Variants in MED24 observed in about 807,000 individuals in gnomAD.
The protein encoded by MED24 is mediator complex subunit 24.
Under a neutral mutation model 118.8 loss-of-function variants are expected in MED24, and 74 were observed. The ratio of observed to expected loss-of-function variants is 0.62; its 90% CI spans 0.52 to 0.76. The LOEUF (loss-of-function observed/expected upper bound fraction) is 0.76. Ranked by LOEUF, MED24 falls within the 30% of genes least tolerant of loss-of-function variation. The probability of loss-of-function intolerance (pLI) is 0.00; values close to 1 mark genes in which losing one functional copy is unlikely to be tolerated. For synonymous variants in MED24, 521 were observed against 523.9 expected (o/e 0.99, Z 0.08); for missense variants, 1,041 against 1,278.9 (o/e 0.81, Z 2.84).
In MED24 at chr17:40,022,796, T is replaced by C. The variant is rs752742157; in HGVS notation, c.2281A>G (p.Thr761Ala). ...TAGAGCAGCTCCACTGCCCGCAGCG[T>C]GTGCTCCTTCCGCGTCTCCTTCAGC... ...ELLKETRKEHTLRAVELLYSI... is the reference protein window; with the variant it reads ...ELLKETRKEHALRAVELLYSI... Residue 761 changes from threonine to alanine, a missense_variant, in exon 21 of 26, where the codon ACG (threonine) becomes GCG (alanine). Around this residue, in one of 3 missense-constraint regions of MED24, gnomAD observed 587 missense variants for 694.4 expected, o/e 0.85. Coordinates refer to ENST00000394128, the MANE Select transcript of MED24 (RefSeq NM_014815.4). 2.5e-6 allele frequency: 4 copies of C among 1,613,592 alleles called. No homozygotes were observed. The South Asian group carries it at 3.3e-5, about 13-fold the overall frequency.
chr17:40,053,348 A>G lies in MED24; in HGVS notation c.163T>C (p.Ser55Pro). ...ALLEQAMIGP[S>P]PNPLILSYLK... ...TAGGACAAGATGAGAGGATTGGGGG[A>G]TGGTCCAATCATGGCCTGCTCTAGT... The change falls in exon 3 of 26, where the codon TCC becomes CCC. Residue 55 changes from serine (S) to proline (P), a missense_variant. Physicochemically the swap from Ser to Pro is moderately conservative, Grantham distance 74 (BLOSUM62 -1). Transcript: ENST00000394128. The G allele has an allele frequency of 1.2e-6, 2 of 1,612,908 alleles. No individual in the cohort carries two copies. The highest frequency in any genetic ancestry group is 1.7e-6 in the Non-Finnish European group (2 of 1,179,244).
At chr17:40,025,940 T>C (rs1982593451) in intron 19 of MED24, among the ~76,000 whole-genome samples, 1 of 152,130 alleles carries the variant, frequency 6.6e-6, no homozygotes, top group South Asian at 2.1e-4. Context: ...TCTGCATTTC[T>C]GACAACACAG....
chr17:40,031,605 C>T lies in MED24; in HGVS notation c.1000G>A (p.Val334Ile). 6.2e-7 allele frequency: 1 copy of T among 1,614,150 alleles called. No individual in the cohort carries two copies. The highest frequency in any genetic ancestry group is 1.3e-5 in the African/African-American group (1 of 75,052). Residue 334 changes from valine (V) to isoleucine (I), a missense_variant, in exon 11 of 26, where the codon GTC becomes ATC. Physicochemically the swap from Val to Ile is conservative, Grantham distance 29 (BLOSUM62 3). Around this residue, in one of 3 missense-constraint regions of MED24, gnomAD observed 434 missense variants for 514.9 expected, o/e 0.84. Transcript: ENST00000394128. Reference protein sequence around the residue: ...SHGDKDFTEDVNCAFEFLLKL... With the variant: ...SHGDKDFTEDINCAFEFLLKL... ...AGCAGGAACTCAAAAGCACAGTTGA[C>T]ATCCTCAGTGAAGTCCTAGAAAGAG... is the stretch of plus-strand genomic sequence containing the variant.
At position 40,021,949 on chromosome 17, in the gene MED24, A is replaced by T; in HGVS notation, c.2623+6T>A. 1 of 1,584,432 alleles carries T rather than the reference A, an allele frequency of 6.3e-7. No individual in the cohort carries two copies. On this transcript the variant is annotated splice_donor_region_variant and intron_variant, in intron 23 of 25. Transcript: ENST00000394128. The stretch of plus-strand genomic sequence containing the variant: ...GGAGCGGCGCGCGGCCAGCCCACAC[A>T]CTCACTGGGGCTCGAAAGGATGTTG...
intron 1 of MED24, chr17:40,053,938 C>T: frequency 1.9e-6 from 1 of 517,462 alleles, no homozygotes; most frequent in Non-Finnish European, 3.5e-6. Context: ...CGAGACTAGC[C>T]TGACCAACAT....
In MED24 at chr17:40,033,127, C is replaced by G. The variant is rs1192817286; in HGVS notation, c.751G>C (p.Glu251Gln). ...FPTVHAVILL[E>Q]GTMNLTGETQ... is the part of the protein sequence containing the mutation. ...TCGCCTGTCAGGTTCATGGTGCCCT[C>G]GAGCAGGATCACGGCGTGGACAGTG... is the stretch of plus-strand genomic sequence containing the variant. Residue 251 changes from glutamate (E) to glutamine (Q), a missense_variant, in exon 8 of 26, where the codon GAG becomes CAG. Physicochemically the swap from Glu to Gln is conservative, Grantham distance 29 (BLOSUM62 2). Around this residue, in one of 3 missense-constraint regions of MED24, gnomAD observed 434 missense variants for 514.9 expected, o/e 0.84. Coordinates refer to ENST00000394128, the MANE Select transcript of MED24 (RefSeq NM_014815.4). The surrounding 1 kb of genome is among the most constrained non-coding windows in gnomAD (Gnocchi z 5.2). 14 of 1,614,160 alleles carry G rather than the reference C, an allele frequency of 8.7e-6. No individual in the cohort carries two copies. Among genetic ancestry groups the G allele is most frequent in the Non-Finnish European group, 1.0e-5 (12 of 1,180,032 alleles).
intron 20 of MED24, 86 bp from the exon 21 acceptor site, chr17:40,022,912 A>G: frequency 1.3e-6 from 2 of 1,501,682 alleles, no homozygotes; most frequent in Non-Finnish European, 9.0e-7. Flanking sequence ...ATGGCTGTCC[A>G]GTAAGGCCCG....
At chr17:40,035,843 C>T (rs545775308) in intron 4 of MED24, 48 bp from the exon 5 acceptor site, 348 of 1,552,612 alleles carry the variant, frequency 2.2e-4, no homozygotes, top group Non-Finnish European at 2.9e-4. Flanking sequence ...CATCCACCCC[C>T]AGGTCTCACA....
chr17:40,042,679 A>G lies in MED24; in HGVS notation c.214-6525T>C, dbSNP rs867695366. 2.6e-5 allele frequency among the ~76,000 whole-genome samples: 4 copies of G among 151,912 alleles called. No homozygotes were observed. The South Asian group carries it at 8.3e-4, about 32-fold the overall frequency. ...GGAAGACAGAGTGATACTCCGTCTC[A>G]AAAAAAACAGAGAAAGATACCAATG... On this transcript the variant is annotated intron_variant, in intron 3 of 25. Coordinates refer to ENST00000394128, the MANE Select transcript of MED24 (RefSeq NM_014815.4).
chr17:40,036,674 G>A (rs562494438), intron 3 of MED24, among the ~76,000 whole-genome samples: 2 of 127,526 alleles, frequency 1.6e-5, no homozygotes, highest in African/African-American at 2.8e-5. Context: ...GGAGCAGAGC[G>A]AGACTCTGTC....
At chr17:40,025,960 G>T (rs1031549327) in intron 19 of MED24, among the ~76,000 whole-genome samples, 196 bp downstream of exon 19, 2 of 152,124 alleles carry the variant, frequency 1.3e-5, no homozygotes, top group Non-Finnish European at 2.9e-5. Context: ...GCAGGTGCTG[G>T]CATATAAACG....
intron 16 of MED24, 146 bp downstream of exon 16, chr17:40,027,237 G>T: frequency 9.0e-7 from 1 of 1,114,598 alleles, no homozygotes; most frequent in Non-Finnish European, 1.3e-6. Context: ...GTGCCTCTAC[G>T]GACTCCAGCC....
intron 15 of MED24, 60 bp from the exon 16 acceptor site, chr17:40,027,525 G>A (rs960462126): frequency 1.3e-6 from 2 of 1,513,470 alleles, no homozygotes; most frequent in Non-Finnish European, 1.8e-6. Context: ...CCGTGTCTGG[G>A]TTGACAGGGA....
At chr17:40,045,331 C>T (rs1985044001) in intron 3 of MED24, among the ~76,000 whole-genome samples, 2 of 152,050 alleles carry the variant, frequency 1.3e-5, no homozygotes, top group African/African-American at 4.8e-5. Context: ...TGCCTGTAAT[C>T]CCAGCTACTT....
In MED24 at chr17:40,021,967, G is replaced by A. The variant is rs765268393; in HGVS notation, c.2611C>T (p.Leu871Phe). The part of the protein sequence containing the change: ...LSSNEDDANI[L>F]SSPTDRSMSS... ...CCCACACACTCACTGGGGCTCGAAAGGATGTTGGCATCGTCCTCATTAGAG... is the reference window on the plus strand; with the variant it reads ...CCCACACACTCACTGGGGCTCGAAAAGATGTTGGCATCGTCCTCATTAGAG... Residue 871 changes from leucine to phenylalanine, a missense_variant, in exon 23 of 26, where the codon CTT becomes TTT. Physicochemically the swap from Leu to Phe is conservative, Grantham distance 22. This residue lies in a region of MED24 where 587 missense variants were observed against 694.4 expected (regional missense o/e 0.85). Transcript: ENST00000394128. The A allele has an allele frequency of 2.5e-6, 4 of 1,603,054 alleles. No individual in the cohort carries two copies. Among genetic ancestry groups the A allele is most frequent in the South Asian group, 1.1e-5 (1 of 89,810 alleles).
chr17:40,030,906 C>T (rs573643809), intron 12 of MED24, among the ~76,000 whole-genome samples: 50 of 152,200 alleles, frequency 3.3e-4, no homozygotes, highest in African/African-American at 1.1e-3. Context: ...GTAATCCACC[C>T]GCCTCCAGCC....
chr17:40,037,447 T>C (rs562815656), intron 3 of MED24, among the ~76,000 whole-genome samples: 1 of 152,124 alleles, frequency 6.6e-6, no homozygotes, highest in Admixed American at 6.5e-5. Flanking sequence ...TAGAAGCTCC[T>C]TGAGGACAAG....
intron 17 of MED24, 21 bp downstream of exon 17, chr17:40,026,835 G>A (rs1598339348): frequency 6.2e-7 from 1 of 1,611,948 alleles, no homozygotes; most frequent in South Asian, 1.1e-5. Context: ...CACCCTTGGA[G>A]TGGGCGCCCG....
intron 6 of MED24, among the ~76,000 whole-genome samples, chr17:40,034,524 C>T (rs547889446): frequency 9.8e-5 from 15 of 152,322 alleles, no homozygotes; most frequent in Admixed American, 4.6e-4. Context: ...GCTGGAAATA[C>T]TGGCATCTTC....
Sources: allele counts gnomAD v4.1 joint callset (sites outside exome capture counted in the v4.1 genomes callset), GRCh38; gene constraint gnomAD v4.1.1; regional missense constraint gnomAD v4.1.1; non-coding constraint Gnocchi (gnomAD v3.1); transcripts MANE v1.5; gene names NCBI Gene and HGNC (gene_info 2026-07-23, HGNC 2026-07-21).